Variants in KSR1 observed in about 807,000 individuals in gnomAD.
KSR1 encodes the protein kinase suppressor of ras 1, also known as kinase suppressor of ras.
KSR1 carries 35 observed loss-of-function variants against 92.9 expected under a neutral mutation model. The ratio of observed to expected loss-of-function variants is 0.38; its 90% CI spans 0.29 to 0.50. The LOEUF is 0.50. Among genes scored for constraint, KSR1 ranks in the 20% least tolerant of loss-of-function variants. The pLI is 0.94. For missense variants in KSR1, 972 were observed against 1,158.5 expected, an observed-to-expected ratio of 0.84 and a Z score of 2.34; for synonymous variants, 467 against 472.6, an observed-to-expected ratio of 0.99 and a Z score of 0.15.
intron 1 of KSR1, among the ~76,000 whole-genome samples, chr17:27,548,559 C>G (rs2071272568): frequency 6.6e-6 from 1 of 151,692 alleles, no homozygotes; most frequent in Admixed American, 6.6e-5. Flanking sequence ...TCCGAAAGTG[C>G]TGGCTCATGC....
chr17:27,489,054 G>A (rs186955375), intron 1 of KSR1, among the ~76,000 whole-genome samples: 9 of 152,330 alleles, frequency 5.9e-5, no homozygotes, highest in East Asian at 3.9e-4. Flanking sequence ...TTTGCAGCAC[G>A]AAAGCCCTGC....
At chr17:27,489,661 A>ATT (rs1166635999) in intron 1 of KSR1, among the ~76,000 whole-genome samples, 1 of 152,136 alleles carries the variant, frequency 6.6e-6, no homozygotes, top group East Asian at 1.9e-4. Flanking sequence ...GAGACAGTGA[A>ATT]TTGGAGGTTG....
chr17:27,471,592 G>A (rs2020006627), intron 1 of KSR1, among the ~76,000 whole-genome samples: 1 of 152,156 alleles, frequency 6.6e-6, no homozygotes, highest in Non-Finnish European at 1.5e-5. Context: ...TGGCCTTGGG[G>A]TCAAGGAGGT....
At chr17:27,525,466 T>C (rs1597947149) in intron 1 of KSR1, among the ~76,000 whole-genome samples, 1 of 152,336 alleles carries the variant, frequency 6.6e-6, no homozygotes, top group South Asian at 2.1e-4. Context: ...CCGCATGTAA[T>C]GTGCTTGGAA....
At chr17:27,621,688 A>G (rs532005323) in intron 20 of KSR1, among the ~76,000 whole-genome samples, 148 of 152,256 alleles carry the variant, frequency 9.7e-4, no homozygotes, top group Non-Finnish European at 1.6e-3. Flanking sequence ...CATCCTCTTT[A>G]TAAACGTGCT....
intron 1 of KSR1, among the ~76,000 whole-genome samples, chr17:27,523,196 A>G (rs1380597334): frequency 6.6e-6 from 1 of 152,242 alleles, no homozygotes; most frequent in Non-Finnish European, 1.5e-5. Flanking sequence ...ATTTTTGGTG[A>G]TGATGAAAAA....
intron 18 of KSR1, 76 bp downstream of exon 18, chr17:27,611,705 C>T (rs922670138): frequency 1.3e-6 from 2 of 1,573,162 alleles, no homozygotes; most frequent in African/African-American, 1.3e-5. Flanking sequence ...GCCCTTCACT[C>T]ACCCACCTGA....
intron 10 of KSR1, 67 bp from the exon 11 acceptor site, chr17:27,601,293 C>A: frequency 1.4e-6 from 2 of 1,401,096 alleles, no homozygotes; most frequent in Non-Finnish European, 2.0e-6. Context: ...CCGGTACCTG[C>A]AATTCCGCTC....
chr17:27,604,073 G>A (rs972909270), intron 12 of KSR1, among the ~76,000 whole-genome samples, 185 bp downstream of exon 12: 18 of 152,168 alleles, frequency 1.2e-4, no homozygotes, highest in Non-Finnish European at 2.1e-4. Flanking sequence ...CTATCAGTGC[G>A]GTCAACATTG....
chr17:27,525,496 A>G (rs2070223504), intron 1 of KSR1, among the ~76,000 whole-genome samples: 2 of 152,246 alleles, frequency 1.3e-5, no homozygotes, highest in Admixed American at 6.5e-5. Context: ...ACACATGGCT[A>G]AGAACCATGG....
chr17:27,534,376 G>A (rs1381740369), intron 1 of KSR1, among the ~76,000 whole-genome samples: 2 of 152,234 alleles, frequency 1.3e-5, no homozygotes, highest in African/African-American at 4.8e-5. Flanking sequence ...AAGAGTACAA[G>A]AGACTGGAAT....
intron 1 of KSR1, among the ~76,000 whole-genome samples, chr17:27,470,060 AT>A (rs11341091): frequency 0.92 from 126,620 of 137,548 alleles, 58,238 homozygotes; most frequent in East Asian, 0.99. Flanking sequence ...CTGTTCTCCC[AT>A]TTTTTTTTTT....
chr17:27,574,807 C>T (rs923951229), intron 2 of KSR1, among the ~76,000 whole-genome samples: 1 of 152,198 alleles, frequency 6.6e-6, no homozygotes, highest in African/African-American at 2.4e-5. Context: ...TTATAGCAGT[C>T]ATTTGATGTG....
At chr17:27,497,098 G>A (rs1315778286) in intron 1 of KSR1, among the ~76,000 whole-genome samples, 4 of 152,202 alleles carry the variant, frequency 2.6e-5, no homozygotes, top group Non-Finnish European at 4.4e-5. Flanking sequence ...ATTAAAGTCA[G>A]CAGATGAGCA....
intron 1 of KSR1, among the ~76,000 whole-genome samples, chr17:27,478,567 T>G (rs868174917): frequency 3.3e-5 from 5 of 152,216 alleles, no homozygotes; most frequent in Middle Eastern, 6.8e-3. Flanking sequence ...AGCTGTCCAT[T>G]ATTGTTCTCT....
rs556680870 is a variant in KSR1, at chr17:27,557,857, G to A, written c.372+7149G>A. Among the ~76,000 whole-genome samples, 12 of 152,218 alleles carry A rather than the reference G, an allele frequency of 7.9e-5. 1 individual carries two copies. Among genetic ancestry groups the A allele is most frequent in the South Asian group, 4.2e-4 (2 of 4,818 alleles). ...GTAAGTTGTATACCATGCTCTCTTC[G>A]AGGTATTTCATCATGTGCTTTTCCC... is the stretch of plus-strand genomic sequence containing the variant. On this transcript the variant is annotated intron_variant, in intron 2 of 20. Coordinates refer to ENST00000644974, the MANE Select transcript of KSR1 (RefSeq NM_001394583.1).
intron 9 of KSR1, among the ~76,000 whole-genome samples, chr17:27,592,915 A>G (rs1055432925): frequency 1.3e-5 from 2 of 152,186 alleles, no homozygotes; most frequent in African/African-American, 4.8e-5. Flanking sequence ...GAGCCCCACA[A>G]TAGTTCTGAA....
At chr17:27,557,892 T>C (rs2071666106) in intron 2 of KSR1, among the ~76,000 whole-genome samples, 1 of 152,220 alleles carries the variant, frequency 6.6e-6, no homozygotes, top group Admixed American at 6.5e-5. Context: ...CACTGGCTCC[T>C]ATGTAATGTT....
In KSR1 at chr17:27,481,197, G is replaced by C. The variant is rs954744628; in HGVS notation, c.231+24323G>C. Among the ~76,000 whole-genome samples, 5 of 151,898 alleles carry C rather than the reference G, an allele frequency of 3.3e-5. No homozygotes were observed. The South Asian group carries it at 1.0e-3, about 32-fold the overall frequency. On this transcript the variant is annotated intron_variant, in intron 1 of 20. Transcript: ENST00000644974. ...TCTTAAAATAGAAATTTTATTTTTG[G>C]GAATTTTTGTGAGTTTCGTGATTCA...
Sources: gnomAD v4.1 joint callset for allele counts (sites outside exome capture counted in the v4.1 genomes callset) on GRCh38, gnomAD v4.1.1 for gene constraint, MANE v1.5 for transcripts, NCBI Gene and HGNC (gene_info 2026-07-23, HGNC 2026-07-21) for gene names.